The following COL19A1 variants were observed in gnomAD, a reference collection of about 807,000 sequenced individuals.
COL19A1 encodes collagen type XIX alpha 1 chain, also known as collagen alpha-1(XIX) chain.
In COL19A1, 159 loss-of-function variants were observed where a neutral mutation model predicts 190.2. The ratio of observed to expected loss-of-function variants is 0.84; its 90% CI spans 0.73 to 0.95. The LOEUF is 0.95. COL19A1 is among the 40% of genes least tolerant of loss of function. The pLI, the probability that COL19A1 is intolerant of heterozygous loss-of-function variation, is 0.00. For synonymous variants in COL19A1, 509 were observed against 458.9 expected (o/e 1.11, Z -1.39); for missense variants, 1,418 against 1,431.9 (o/e 0.99, Z 0.16).
At chr6:70,072,635 A>C (rs1781625902) in intron 15 of COL19A1, among the ~76,000 whole-genome samples, 1 of 152,120 alleles carries the variant, frequency 6.6e-6, no homozygotes, top group Non-Finnish European at 1.5e-5. Context: ...GCCTCCTTGC[A>C]ACATTTTTGT....
At chr6:69,980,649 G>T (rs773683938) in intron 11 of COL19A1, among the ~76,000 whole-genome samples, 1 of 152,144 alleles carries the variant, frequency 6.6e-6, no homozygotes, top group Non-Finnish European at 1.5e-5. Flanking sequence ...ACATTTGTAC[G>T]TTCCAAAGAG....
rs550765419 is a variant in COL19A1 at position 69,979,216 on chromosome 6, A to G, written c.1026+16346A>G. Among the ~76,000 whole-genome samples the G allele has an allele frequency of 8.0e-4, 122 of 152,080 alleles. 1 individual carries two copies. The highest frequency in any genetic ancestry group is 2.8e-3 in the African/African-American group (115 of 41,580). On this transcript the variant is annotated intron_variant, in intron 11 of 50. Coordinates refer to ENST00000620364, the MANE Select transcript of COL19A1 (RefSeq NM_001858.6). ...TCCAAGAAGTCAGCATAATGTTAAT[A>G]CTAAATCTAATTTTTTAAATATAAC...
intron 15 of COL19A1, among the ~76,000 whole-genome samples, chr6:70,089,988 G>T (rs1205287775): frequency 6.6e-6 from 1 of 151,858 alleles, no homozygotes; most frequent in African/African-American, 2.4e-5. Flanking sequence ...TTTTTAGCCT[G>T]GGCAACATAG....
rs573901755 is a variant in COL19A1, at chr6:70,148,899, C to G, written c.1894-805C>G. 6.7e-5 allele frequency among the ~76,000 whole-genome samples: 10 copies of G among 149,754 alleles called. No individual in the cohort carries two copies. In the East Asian group the frequency reaches 2.0e-3, roughly 29 times the overall value. ...CTGAGATTGCACCACTGTACTTCAG[C>G]CTGGGTGACAGAGTGAGACTCCATC... On this transcript the variant is annotated intron_variant, in intron 27 of 50. Coordinates refer to ENST00000620364, the MANE Select transcript of COL19A1 (RefSeq NM_001858.6).
At position 69,900,281 on chromosome 6, in the gene COL19A1, G is replaced by C; in HGVS notation, c.209G>C (p.Cys70Ser). The C allele has an allele frequency of 6.3e-7, 1 of 1,596,628 alleles. No homozygotes were observed. Residue 70 changes from cysteine to serine, a missense_variant, in exon 4 of 51, where the codon TGT becomes TCT. Transcript: ENST00000620364. ...AGCTTTTCTCTAAGACGTGCATTTT[G>C]TGAAAGTGATAAAACCTGTTTCAAA... is the stretch of plus-strand genomic sequence containing the variant. Reference protein sequence around the residue: ...GDSFSLRRAFCESDKTCFKLG... With the variant: ...GDSFSLRRAFSESDKTCFKLG...
At chr6:70,032,147 TAAG>T in intron 12 of COL19A1, among the ~76,000 whole-genome samples, 1 of 152,148 alleles carries the variant, frequency 6.6e-6, no homozygotes, top group Non-Finnish European at 1.5e-5. Flanking sequence ...CAAACTGATC[TAAG>T]AAGATTCTTG....
At chr6:70,007,786 G>A (rs1280648981) in intron 11 of COL19A1, among the ~76,000 whole-genome samples, 1 of 151,750 alleles carries the variant, frequency 6.6e-6, no homozygotes. Flanking sequence ...TTTTCCAAGT[G>A]CATATAAATC....
In COL19A1 at chr6:69,961,328, C is replaced by T. The variant is rs3793029; in HGVS notation, c.981+1288C>T. Among the ~76,000 whole-genome samples, 21 of 152,282 alleles carry T rather than the reference C, an allele frequency of 1.4e-4. No individual in the cohort carries two copies. The South Asian group carries it at 2.3e-3, about 17-fold the overall frequency. ...TAAGATTGAACTGGCAGCAATGAAA[C>T]GGCAAGCTTCTGAATTTCTTCACAG... On this transcript the variant is annotated intron_variant, in intron 10 of 50. Transcript: ENST00000620364.
chr6:69,903,569 T>C (rs1489649916), intron 4 of COL19A1, among the ~76,000 whole-genome samples: 2 of 152,216 alleles, frequency 1.3e-5, no homozygotes, highest in Non-Finnish European at 2.9e-5. Flanking sequence ...ACGCACTTAC[T>C]AACTGCTTCC....
intron 9 of COL19A1, among the ~76,000 whole-genome samples, chr6:69,943,987 A>G (rs1012384064): frequency 6.6e-6 from 1 of 151,922 alleles, no homozygotes; most frequent in African/African-American, 2.4e-5. Context: ...ATGAGGCTTC[A>G]CATAATGTGT....
chr6:69,987,643 G>T (rs1355077929), intron 11 of COL19A1, among the ~76,000 whole-genome samples: 1 of 152,190 alleles, frequency 6.6e-6, no homozygotes, highest in Non-Finnish European at 1.5e-5. Flanking sequence ...TTGTATCACA[G>T]CTCTTTCTTT....
intron 15 of COL19A1, chr6:70,098,496 G>T (rs979972813): frequency 6.0e-6 from 3 of 496,710 alleles, no homozygotes; most frequent in South Asian, 4.4e-5. Context: ...TGCCTCATTC[G>T]ACCAGTCCTG....
chr6:70,066,602 CTATATA>C (rs1007946168), intron 14 of COL19A1, among the ~76,000 whole-genome samples: 2 of 150,328 alleles, frequency 1.3e-5, no homozygotes, highest in Non-Finnish European at 3.0e-5. Context: ...TATAATAAAA[CTATATA>C]TATATAAAAG....
intron 11 of COL19A1, among the ~76,000 whole-genome samples, chr6:69,983,242 A>G (rs1044958949): frequency 6.6e-6 from 1 of 152,020 alleles, no homozygotes; most frequent in African/African-American, 2.4e-5. Context: ...AATTTTCGTT[A>G]GATTTATGAC....
At chr6:69,904,769 A>T (rs910577378) in intron 4 of COL19A1, among the ~76,000 whole-genome samples, 1 of 152,180 alleles carries the variant, frequency 6.6e-6, no homozygotes, top group African/African-American at 2.4e-5. Flanking sequence ...CAGGCTGTTT[A>T]TCTGGGCCTC....
At chr6:70,134,492 T>C (rs915334508) in intron 18 of COL19A1, among the ~76,000 whole-genome samples, 2 of 152,138 alleles carry the variant, frequency 1.3e-5, no homozygotes, top group Non-Finnish European at 2.9e-5. Context: ...ATTAAGAACG[T>C]GAGTGAATTC....
chr6:69,999,565 A>C (rs1163428301), intron 11 of COL19A1, among the ~76,000 whole-genome samples: 1 of 152,004 alleles, frequency 6.6e-6, no homozygotes, highest in African/African-American at 2.4e-5. Flanking sequence ...ACATTTAAAA[A>C]CCTTTTTAGA....
At chr6:70,060,720 T>G (rs1780780172) in intron 14 of COL19A1, among the ~76,000 whole-genome samples, 1 of 152,144 alleles carries the variant, frequency 6.6e-6, no homozygotes, top group African/African-American at 2.4e-5. Flanking sequence ...TCTCACTGAT[T>G]CCACATTACG....
chr6:70,017,994 C>T (rs1399094962), intron 11 of COL19A1, among the ~76,000 whole-genome samples: 2 of 151,948 alleles, frequency 1.3e-5, no homozygotes, highest in Non-Finnish European at 2.9e-5. Flanking sequence ...GATTTCCTTC[C>T]AGGTGAAGCT....
Sources: allele counts gnomAD v4.1 joint callset (sites outside exome capture counted in the v4.1 genomes callset), GRCh38; gene constraint gnomAD v4.1.1; transcripts MANE v1.5; gene names NCBI Gene and HGNC (gene_info 2026-07-23, HGNC 2026-07-21).